PARM1: variants seen among roughly 807,000 people sequenced by gnomAD.
The protein encoded by PARM1 is prostate androgen-regulated mucin-like protein 1.
Under a neutral mutation model 24.6 loss-of-function variants are expected in PARM1, and 14 were observed. That is an observed-to-expected ratio of 0.57 (90% CI 0.38 to 0.89). PARM1 has a LOEUF of 0.89. PARM1 is among the 40% of genes least tolerant of loss of function. The pLI is 0.00. For synonymous variants in PARM1, 179 were observed against 156.6 expected (o/e 1.14, Z -1.07); for missense variants, 362 against 380.4 (o/e 0.95, Z 0.40).
intron 1 of PARM1, among the ~76,000 whole-genome samples, chr4:75,003,421 C>A (rs1722717397): frequency 6.6e-6 from 1 of 152,036 alleles, no homozygotes; most frequent in African/African-American, 2.4e-5. Context: ...CCGTGGGGAG[C>A]CTGCTGATAT....
rs1722909376 is a variant in PARM1 at position 75,012,966 on chromosome 4, C to A, written c.585C>A (p.Ser195=). Residue 195 remains serine (S), a synonymous_variant, in exon 2 of 4, where the codon TCC becomes TCA. Coordinates refer to ENST00000307428, the MANE Select transcript of PARM1 (RefSeq NM_015393.4). ...CTGGAGCTCCAACTGCACCAGAGTC[C>A]CCGACAGAGGAGTCCAGCTCTGACC... ...QPTGAPTAPE[S]PTEESSSDHT... 6.2e-7 allele frequency: 1 copy of A among 1,613,934 alleles called. No individual in the cohort carries two copies. Among genetic ancestry groups the A allele is most frequent in the Non-Finnish European group, 8.5e-7 (1 of 1,179,868 alleles).
At chr4:74,973,715 C>T (rs780062125) in intron 1 of PARM1, among the ~76,000 whole-genome samples, 11 of 152,144 alleles carry the variant, frequency 7.2e-5, no homozygotes, top group Admixed American at 1.3e-4. Context: ...AATATTCACA[C>T]TCTGCAGATT....
At chr4:74,960,238 C>A (rs1721739847) in intron 1 of PARM1, among the ~76,000 whole-genome samples, 1 of 152,210 alleles carries the variant, frequency 6.6e-6, no homozygotes, top group Admixed American at 6.5e-5. Context: ...GCCCTTCTCC[C>A]TTTGGGTAAA....
intron 3 of PARM1, among the ~76,000 whole-genome samples, chr4:75,044,123 T>A (rs1223050875): frequency 6.6e-6 from 1 of 152,246 alleles, no homozygotes; most frequent in African/African-American, 2.4e-5. Flanking sequence ...GCAATTATTT[T>A]AGCAACAGAT....
chr4:75,037,664 C>G (rs552869055), intron 3 of PARM1, among the ~76,000 whole-genome samples: 1 of 152,116 alleles, frequency 6.6e-6, no homozygotes, highest in Non-Finnish European at 1.5e-5. Flanking sequence ...TTTATGATCC[C>G]ACCTTTTAAC....
chr4:75,019,777 G>GTGGA (rs1371695655), intron 2 of PARM1, among the ~76,000 whole-genome samples: 2 of 151,800 alleles, frequency 1.3e-5, no homozygotes, highest in Non-Finnish European at 2.9e-5. Context: ...GCCGAGGCGG[G>GTGGA]TGGATCATGA....
chr4:74,963,371 A>G (rs974961486), intron 1 of PARM1, among the ~76,000 whole-genome samples: 4 of 152,268 alleles, frequency 2.6e-5, no homozygotes, highest in African/African-American at 9.6e-5. Flanking sequence ...TCTTAACGGC[A>G]TTATTCTCAA....
chr4:74,957,636 A>G (rs1361871694), intron 1 of PARM1, among the ~76,000 whole-genome samples: 1 of 152,210 alleles, frequency 6.6e-6, no homozygotes, highest in Non-Finnish European at 1.5e-5. Context: ...CCTATATGAC[A>G]TTAGAAGTCA....
Position 75,033,833 on chromosome 4 carries a change from T to C in PARM1, c.770-50T>C, listed in dbSNP as rs944462753. The C allele has an allele frequency of 2.1e-6, 3 of 1,454,298 alleles. No homozygotes were observed. The African/African-American group carries it at 4.2e-5, about 21-fold the overall frequency. The allele number at this position is 1,454,298 out of a possible 1,614,324, so 90.1% of individuals were successfully genotyped here. A position where few individuals can be genotyped will look rare whatever the true frequency, so the allele number is the denominator to read the frequency against. On this transcript the variant is annotated intron_variant, in intron 2 of 3. Coordinates refer to ENST00000307428, the MANE Select transcript of PARM1 (RefSeq NM_015393.4). The stretch of plus-strand genomic sequence containing the variant: ...TACTACGCACGCCAAAGTCACATGA[T>C]GCCCCGTATCCTCATGTATCTTCTT...
intron 1 of PARM1, among the ~76,000 whole-genome samples, chr4:74,948,904 C>G (rs1341913857): frequency 1.3e-5 from 2 of 152,056 alleles, no homozygotes; most frequent in African/African-American, 4.8e-5. Context: ...TGCCTGTAAT[C>G]CCAGCTACTT....
intron 2 of PARM1, among the ~76,000 whole-genome samples, chr4:75,016,377 T>C (rs972305244): frequency 1.3e-5 from 2 of 152,172 alleles, no homozygotes; most frequent in African/African-American, 2.4e-5. Flanking sequence ...GATCTAAGGG[T>C]AAATTCTTAG....
At chr4:75,029,330 C>T (rs1243502977) in intron 2 of PARM1, among the ~76,000 whole-genome samples, 1 of 152,172 alleles carries the variant, frequency 6.6e-6, no homozygotes, top group Non-Finnish European at 1.5e-5. Flanking sequence ...ACAATTATTC[C>T]TTGGTATGGT....
At chr4:74,960,152 T>A (rs1721737275) in intron 1 of PARM1, among the ~76,000 whole-genome samples, 2 of 152,240 alleles carry the variant, frequency 1.3e-5, no homozygotes, top group African/African-American at 4.8e-5. Flanking sequence ...TTCTGATTGC[T>A]GATTGCTGTG....
chr4:74,967,994 G>C (rs1472521057), intron 1 of PARM1, among the ~76,000 whole-genome samples: 1 of 152,190 alleles, frequency 6.6e-6, no homozygotes, highest in Non-Finnish European at 1.5e-5. Context: ...TATTTCTGAA[G>C]TGTTTGCAGG....
chr4:75,016,457 C>T lies in PARM1; in HGVS notation c.769+3307C>T, dbSNP rs539096044. Among the ~76,000 whole-genome samples, 3 of 152,212 alleles carry T rather than the reference C, an allele frequency of 2.0e-5. No individual in the cohort carries two copies. In the East Asian group the frequency reaches 5.8e-4, roughly 29 times the overall value. ...AGTGGGTACATGCACAGGTTTGTTA[C>T]GTGGGTATATTGCGTGATGCTGAGG... On this transcript the variant is annotated intron_variant, in intron 2 of 3. Coordinates refer to ENST00000307428, the MANE Select transcript of PARM1 (RefSeq NM_015393.4).
chr4:75,008,063 C>G (rs9307434), intron 1 of PARM1, among the ~76,000 whole-genome samples: 47,687 of 152,152 alleles, frequency 0.31, 9,588 homozygotes, highest in African/African-American at 0.57. Context: ...GCATTCTCTA[C>G]GATCATCATG....
intron 1 of PARM1, among the ~76,000 whole-genome samples, chr4:75,006,212 A>G (rs1478096533): frequency 6.6e-6 from 1 of 152,088 alleles, no homozygotes; most frequent in Admixed American, 6.5e-5. Context: ...TTACATATGT[A>G]TACATGTGCC....
At chr4:74,995,836 A>G (rs1272196897) in intron 1 of PARM1, among the ~76,000 whole-genome samples, 2 of 152,134 alleles carry the variant, frequency 1.3e-5, no homozygotes, top group Non-Finnish European at 2.9e-5. Flanking sequence ...TTCCAAAAGC[A>G]TCAGCTGATC....
At chr4:75,006,327 G>A (rs1722768271) in intron 1 of PARM1, among the ~76,000 whole-genome samples, 1 of 144,794 alleles carries the variant, frequency 6.9e-6, no homozygotes, top group South Asian at 2.2e-4. Flanking sequence ...GGTGTGTGAT[G>A]TTCCCCATCC....
Sources: allele counts gnomAD v4.1 joint callset (sites outside exome capture counted in the v4.1 genomes callset), GRCh38; gene constraint gnomAD v4.1.1; transcripts MANE v1.5; gene names NCBI Gene and HGNC (gene_info 2026-07-23, HGNC 2026-07-21).